Variants in CELF4 observed in about 807,000 individuals in gnomAD.
CELF4 encodes the protein CUG-BP- and ETR-3-like factor 4.
CELF4 carries 18 observed loss-of-function variants against 59.9 expected under a neutral mutation model. The ratio of observed to expected loss-of-function variants is 0.30; its 90% confidence interval spans 0.21 to 0.45. CELF4 has a LOEUF of 0.45. Among genes scored for constraint, CELF4 ranks in the 20% least tolerant of loss-of-function variants. The pLI, the probability that CELF4 is intolerant of heterozygous loss-of-function variation, is 1.00. For missense variants in CELF4, 456 were observed against 689.0 expected (o/e 0.66, Z 3.79); for synonymous variants, 261 against 267.1 (o/e 0.98, Z 0.22).
At chr18:37,318,760 T>C (rs933380751) in intron 3 of CELF4, among the ~76,000 whole-genome samples, 1 of 152,046 alleles carries the variant, frequency 6.6e-6, no homozygotes, top group African/African-American at 2.4e-5. Flanking sequence ...AGAGAGCTAT[T>C]GCCTCTGAGG....
chr18:37,356,473 C>T (rs2098578250), intron 2 of CELF4, among the ~76,000 whole-genome samples: 2 of 151,930 alleles, frequency 1.3e-5, no homozygotes, highest in African/African-American at 4.8e-5. Context: ...GTCAAAGGTG[C>T]TGGGAAGGTC....
chr18:37,412,024 G>A (rs951503807), intron 2 of CELF4, among the ~76,000 whole-genome samples: 1 of 152,226 alleles, frequency 6.6e-6, no homozygotes, highest in Non-Finnish European at 1.5e-5. Context: ...CTTTGCTGTG[G>A]TGTTTTCTTT....
intron 1 of CELF4, among the ~76,000 whole-genome samples, chr18:37,524,191 G>A (rs770832980): frequency 1.3e-5 from 2 of 152,184 alleles, no homozygotes; most frequent in Non-Finnish European, 2.9e-5. Context: ...GAGAGAAAAG[G>A]CCACTTAAAT....
intron 2 of CELF4, among the ~76,000 whole-genome samples, chr18:37,343,608 G>C (rs111321228): frequency 2.1e-4 from 32 of 151,984 alleles, no homozygotes; most frequent in African/African-American, 7.5e-4. Flanking sequence ...TGTATATGTG[G>C]GGGTGCGTGT....
chr18:37,317,316 G>A (rs924424208), intron 3 of CELF4, among the ~76,000 whole-genome samples: 1 of 152,240 alleles, frequency 6.6e-6, no homozygotes, highest in Non-Finnish European at 1.5e-5. Flanking sequence ...GAACCCGGGA[G>A]GCGGAGGTTG....
chr18:37,362,280 C>G (rs1020488983), intron 2 of CELF4, among the ~76,000 whole-genome samples: 2 of 145,304 alleles, frequency 1.4e-5, no homozygotes, highest in East Asian at 2.2e-4. Flanking sequence ...GTTCCAGCCC[C>G]GCTCCTCCTC....
At chr18:37,544,103 C>A (rs138901771) in intron 1 of CELF4, among the ~76,000 whole-genome samples, 1 of 149,570 alleles carries the variant, frequency 6.7e-6, no homozygotes, top group Non-Finnish European at 1.5e-5. Context: ...GAGGTAAGGG[C>A]AAGGGCGGCA....
At chr18:37,484,790 A>G (rs1481376174) in intron 2 of CELF4, among the ~76,000 whole-genome samples, 1 of 152,224 alleles carries the variant, frequency 6.6e-6, no homozygotes, top group Non-Finnish European at 1.5e-5. Flanking sequence ...TGCAGTGTCC[A>G]TTGTATAAGC....
chr18:37,428,946 CTG>C (rs1349695430), intron 2 of CELF4, among the ~76,000 whole-genome samples: 17 of 152,200 alleles, frequency 1.1e-4, no homozygotes, highest in Admixed American at 1.0e-3. Flanking sequence ...AGGGCATGGA[CTG>C]TGTCTTATTC....
chr18:37,360,052 C>T (rs1172812921), intron 2 of CELF4, among the ~76,000 whole-genome samples: 1 of 151,736 alleles, frequency 6.6e-6, no homozygotes, highest in Non-Finnish European at 1.5e-5. Flanking sequence ...AGGGTTTCAC[C>T]ATGTTGGCCA....
chr18:37,284,992 C>G (rs373018723), intron 3 of CELF4, among the ~76,000 whole-genome samples: 3 of 152,212 alleles, frequency 2.0e-5, no homozygotes, highest in Non-Finnish European at 2.9e-5. Flanking sequence ...CTCACTCCCT[C>G]TCTTCCCTCT....
rs527449276 is a variant in CELF4 at position 37,254,977 on chromosome 18, A to G, written c.1334-1039T>C. Among the ~76,000 whole-genome samples, 15 of 152,340 alleles carry G rather than the reference A, an allele frequency of 9.8e-5. No individual in the cohort carries two copies. The highest frequency in any genetic ancestry group is 3.4e-4 in the African/African-American group (14 of 41,586). Reference sequence around the variant, plus strand: ...GCCAGGCCCACTGGGCCAGTGCAGCATATCAACAAATAACGTCCCCTCCCT... The same window carrying G: ...GCCAGGCCCACTGGGCCAGTGCAGCGTATCAACAAATAACGTCCCCTCCCT... On this transcript the variant is annotated intron_variant, in intron 11 of 12. Transcript: ENST00000420428. The surrounding 1 kb of genome is among the most constrained non-coding windows in gnomAD (Gnocchi z 5.1).
At chr18:37,284,746 G>A (rs751854404) in intron 3 of CELF4, among the ~76,000 whole-genome samples, 1 of 152,160 alleles carries the variant, frequency 6.6e-6, no homozygotes, top group Non-Finnish European at 1.5e-5. Context: ...TTCTCATTTC[G>A]CCCCCAGTTA....
At chr18:37,546,235 C>T (rs2099981385) in intron 1 of CELF4, among the ~76,000 whole-genome samples, 1 of 152,224 alleles carries the variant, frequency 6.6e-6, no homozygotes, top group Non-Finnish European at 1.5e-5. Flanking sequence ...CACACACTTG[C>T]ATACACTCAG....
chr18:37,273,269 A>C, intron 6 of CELF4, 106 bp from the exon 7 acceptor site: 1 of 1,474,504 alleles, frequency 6.8e-7, no homozygotes, highest in Non-Finnish European at 9.0e-7. Context: ...TGAGCCCCAG[A>C]AGCTCCCAAC....
chr18:37,358,140 GA>G (rs1262532493), intron 2 of CELF4, among the ~76,000 whole-genome samples: 2 of 152,142 alleles, frequency 1.3e-5, no homozygotes, highest in Non-Finnish European at 2.9e-5. Flanking sequence ...GGGGTGGAAT[GA>G]TATGGTTTGG....
In CELF4 at chr18:37,442,464, G is replaced by A. The variant is rs1603641259; in HGVS notation, c.369+43061C>T. Among the ~76,000 whole-genome samples the A allele has an allele frequency of 3.9e-5, 6 of 152,284 alleles. No individual in the cohort carries two copies. In the South Asian group the frequency reaches 6.2e-4, roughly 16 times the overall value. ...CCCATTTGCAAATTAATGGCTGGGTGGGCCAAGATACCCTCTAGAAAGGGA... is the reference window on the plus strand; with the variant it reads ...CCCATTTGCAAATTAATGGCTGGGTAGGCCAAGATACCCTCTAGAAAGGGA... On this transcript the variant is annotated intron_variant, in intron 2 of 12. Coordinates refer to ENST00000420428, the MANE Select transcript of CELF4 (RefSeq NM_020180.4).
At chr18:37,379,244 C>G (rs1974651973) in intron 2 of CELF4, among the ~76,000 whole-genome samples, 1 of 152,302 alleles carries the variant, frequency 6.6e-6, no homozygotes, top group South Asian at 2.1e-4. Flanking sequence ...CTCCCTAAGG[C>G]AGAGGCTGTC....
chr18:37,429,966 T>C (rs1270770616), intron 2 of CELF4, among the ~76,000 whole-genome samples: 1 of 152,214 alleles, frequency 6.6e-6, no homozygotes, highest in Non-Finnish European at 1.5e-5. Context: ...CTCCTGACTC[T>C]GAAGCAGGAA....
Sources: allele counts gnomAD v4.1 joint callset (sites outside exome capture counted in the v4.1 genomes callset), GRCh38; gene constraint gnomAD v4.1.1; non-coding constraint Gnocchi (gnomAD v3.1); transcripts MANE v1.5; gene names NCBI Gene and HGNC (gene_info 2026-07-23, HGNC 2026-07-21).